TBC1D5: variants seen among roughly 807,000 people sequenced by gnomAD.
TBC1D5 encodes TBC1 domain family member 5.
Under a neutral mutation model 100.3 loss-of-function variants are expected in TBC1D5, and 75 were observed. That is an observed-to-expected ratio of 0.75 (90% CI 0.62 to 0.91). The LOEUF is 0.91. TBC1D5 is among the 40% of genes least tolerant of loss of function. The pLI is 0.00. For missense variants in TBC1D5, 910 were observed against 942.4 expected (o/e 0.97, Z 0.45); for synonymous variants, 323 against 325.6 (o/e 0.99, Z 0.09).
At chr3:17,401,291 G>A (rs2093637733) in intron 8 of TBC1D5, among the ~76,000 whole-genome samples, 1 of 145,622 alleles carries the variant, frequency 6.9e-6, no homozygotes, top group Non-Finnish European at 1.5e-5. Context: ...ACATATATAT[G>A]TATGTGTATA....
intron 13 of TBC1D5, among the ~76,000 whole-genome samples, chr3:17,329,406 T>A (rs1283192646): frequency 1.3e-5 from 2 of 152,188 alleles, no homozygotes; most frequent in Non-Finnish European, 2.9e-5. Flanking sequence ...GACCTACAAC[T>A]GATAATTTTT....
rs140555412 is a variant in TBC1D5, at chr3:17,458,742, T to A, written c.98-30223A>T. Among the ~76,000 whole-genome samples, 153 of 152,324 alleles carry A rather than the reference T, an allele frequency of 1.0e-3. 2 individuals carry two copies. In the South Asian group the frequency reaches 0.018, roughly 18 times the overall value. On this transcript the variant is annotated intron_variant, in intron 3 of 21. Transcript: ENST00000253692. ...CTTGATTTTCAGCTTTTCATTGTTT[T>A]ACATTTGGGAGTGATGTCTTTCCAG...
intron 16 of TBC1D5, 109 bp downstream of exon 16, chr3:17,258,397 T>C: frequency 2.0e-6 from 2 of 1,019,262 alleles, no homozygotes; most frequent in South Asian, 1.4e-5. Flanking sequence ...ATTCCTTATG[T>C]ACATATGCTA....
At chr3:17,436,314 G>A (rs1228267903) in intron 3 of TBC1D5, among the ~76,000 whole-genome samples, 3 of 152,136 alleles carry the variant, frequency 2.0e-5, no homozygotes, top group Admixed American at 6.5e-5. Context: ...TGTATGTAAA[G>A]TGCTTATAGT....
At chr3:17,551,354 T>G (rs1006356916) in intron 2 of TBC1D5, among the ~76,000 whole-genome samples, 2 of 152,150 alleles carry the variant, frequency 1.3e-5, no homozygotes, top group Non-Finnish European at 2.9e-5. Flanking sequence ...ATTTAAGGTG[T>G]ATGTCTGCTG....
intron 1 of TBC1D5, among the ~76,000 whole-genome samples, chr3:17,658,949 C>T (rs1022672568): frequency 3.9e-5 from 6 of 152,124 alleles, no homozygotes; most frequent in Non-Finnish European, 5.9e-5. Context: ...TGAGTCACTG[C>T]GCCCAGCCAG....
At chr3:17,396,513 T>C (rs1433854668) in intron 8 of TBC1D5, among the ~76,000 whole-genome samples, 3 of 151,924 alleles carry the variant, frequency 2.0e-5, no homozygotes, top group Admixed American at 6.6e-5. Flanking sequence ...TTGTAAAGTG[T>C]GACATCAATG....
At chr3:17,253,709 G>A (rs1291611079) in intron 16 of TBC1D5, among the ~76,000 whole-genome samples, 2 of 152,064 alleles carry the variant, frequency 1.3e-5, no homozygotes, top group East Asian at 1.9e-4. Context: ...GCCCGTTCTC[G>A]AGCTTCATAT....
At chr3:17,738,348 A>G (rs1402124600) in intron 1 of TBC1D5, among the ~76,000 whole-genome samples, 1 of 152,138 alleles carries the variant, frequency 6.6e-6, no homozygotes, top group African/African-American at 2.4e-5. Flanking sequence ...CACTTACGTG[A>G]TAGCATTAAG....
chr3:17,209,819 T>C (rs567655443), intron 18 of TBC1D5, among the ~76,000 whole-genome samples: 1 of 152,350 alleles, frequency 6.6e-6, no homozygotes, highest in South Asian at 2.1e-4. Context: ...TGTTAAAATA[T>C]AGTAGTCATT....
chr3:17,257,667 G>C (rs1028585207), intron 16 of TBC1D5, among the ~76,000 whole-genome samples: 3 of 152,102 alleles, frequency 2.0e-5, no homozygotes, highest in African/African-American at 7.2e-5. Context: ...TCATCCCTTA[G>C]ACTATGAGTT....
chr3:17,319,385 T>C (rs1053788206), intron 13 of TBC1D5, among the ~76,000 whole-genome samples: 1 of 152,018 alleles, frequency 6.6e-6, no homozygotes, highest in African/African-American at 2.4e-5. Context: ...TTTTACTGTC[T>C]GTGAATTAAA....
chr3:17,469,735 G>C (rs756120574), intron 3 of TBC1D5, among the ~76,000 whole-genome samples: 2 of 152,144 alleles, frequency 1.3e-5, no homozygotes, highest in Non-Finnish European at 2.9e-5. Flanking sequence ...TGCCTGCAAG[G>C]CATGTTTATG....
At chr3:17,349,090 A>G (rs1019246491) in intron 13 of TBC1D5, among the ~76,000 whole-genome samples, 1 of 152,210 alleles carries the variant, frequency 6.6e-6, no homozygotes, top group Non-Finnish European at 1.5e-5. Context: ...GATGGAAATT[A>G]TCCAAAACTG....
chr3:17,286,605 T>C (rs964691643), intron 15 of TBC1D5, among the ~76,000 whole-genome samples: 1 of 152,238 alleles, frequency 6.6e-6, no homozygotes, highest in Admixed American at 6.5e-5. Flanking sequence ...GTGCAGACTA[T>C]AGGATGCTAA....
chr3:17,440,562 A>G (rs962023136), intron 3 of TBC1D5, among the ~76,000 whole-genome samples: 3 of 152,204 alleles, frequency 2.0e-5, no homozygotes, highest in Non-Finnish European at 4.4e-5. Flanking sequence ...GGCTGCAGTG[A>G]GCTGAGATGG....
chr3:17,508,867 A>G (rs1231396535), intron 2 of TBC1D5, among the ~76,000 whole-genome samples: 1 of 152,206 alleles, frequency 6.6e-6, no homozygotes, highest in Non-Finnish European at 1.5e-5. Context: ...TTTTCAATAA[A>G]TAAGCTAAAT....
intron 14 of TBC1D5, among the ~76,000 whole-genome samples, chr3:17,305,139 T>A (rs1019962391): frequency 1.3e-5 from 2 of 152,170 alleles, no homozygotes; most frequent in East Asian, 3.9e-4. Flanking sequence ...CCCTCCACAG[T>A]TCCCAAAGTG....
At chr3:17,375,290 C>T (rs1037561429) in intron 10 of TBC1D5, among the ~76,000 whole-genome samples, 4 of 151,934 alleles carry the variant, frequency 2.6e-5, no homozygotes, top group African/African-American at 4.8e-5. Context: ...AATGGCAGGC[C>T]GAGCATGGTG....
Sources: allele counts gnomAD v4.1 joint callset (sites outside exome capture counted in the v4.1 genomes callset), GRCh38; gene constraint gnomAD v4.1.1; transcripts MANE v1.5; gene names NCBI Gene and HGNC (gene_info 2026-07-23, HGNC 2026-07-21).